The following ANK3 variants were observed in gnomAD, a reference collection of about 807,000 sequenced individuals.
ANK3 encodes the protein ankyrin 3.
In ANK3, 57 loss-of-function variants were observed where a neutral mutation model predicts 370.9. The observed-to-expected ratio is 0.15, with a 90% CI of 0.12 to 0.19. The LOEUF is 0.19. Ranked by LOEUF, ANK3 falls within the 10% of genes least tolerant of loss-of-function variation. ANK3 has a pLI of 1.00. For synonymous variants in ANK3, 1,929 were observed against 1,946.3 expected (o/e 0.99, Z 0.23); for missense variants, 4,439 against 5,302.1 (o/e 0.84, Z 5.06).
intron 2 of ANK3, among the ~76,000 whole-genome samples, chr10:60,472,436 T>C (rs934388665): frequency 1.7e-4 from 26 of 152,174 alleles, no homozygotes; most frequent in African/African-American, 6.3e-4. Context: ...ATTAGGAGAA[T>C]TCAGGGGCAT....
intron 18 of ANK3, among the ~76,000 whole-genome samples, chr10:60,176,187 A>C (rs1026943730): frequency 5.0e-5 from 6 of 120,328 alleles, no homozygotes; most frequent in Admixed American, 8.2e-5. Context: ...TACAAAAAAA[A>C]AAAAAAAACA....
intron 1 of ANK3, among the ~76,000 whole-genome samples, chr10:60,292,713 C>T (rs1370287056): frequency 1.4e-5 from 2 of 138,962 alleles, no homozygotes; most frequent in African/African-American, 2.7e-5. Context: ...GACTTTCTTT[C>T]TTTTTTTTTT....
chr10:60,128,736 A>T (rs1456834510), intron 25 of ANK3, among the ~76,000 whole-genome samples: 1 of 152,184 alleles, frequency 6.6e-6, no homozygotes, highest in East Asian at 1.9e-4. Flanking sequence ...TGTGAACTAT[A>T]AACAACTTAA....
Position 60,076,438 on chromosome 10 carries a change from A to G in ANK3, c.4443T>C (p.Ser1481=), listed in dbSNP as rs1047758099. Reference sequence around the variant, plus strand: ...TGGGGAGGGATCTTGTTGCTCCTGTACTCCGTTCAACTGTTTCTTAAATTT... The same window carrying G: ...TGGGGAGGGATCTTGTTGCTCCTGTGCTCCGTTCAACTGTTTCTTAAATTT... ...YLTEPGMIER[S]TGATRSLPTT... is the part of the protein sequence containing the mutation. Residue 1481 remains serine, a synonymous_variant, in exon 37 of 44, where the codon AGT becomes AGC. Coordinates refer to ENST00000280772, the MANE Select transcript of ANK3 (RefSeq NM_020987.5). 1.9e-6 allele frequency: 3 copies of G among 1,573,408 alleles called. No individual in the cohort carries two copies. The highest frequency in any genetic ancestry group is 2.7e-5 in the African/African-American group (2 of 73,044).
intron 42 of ANK3, among the ~76,000 whole-genome samples, chr10:60,045,405 G>C (rs16914599): frequency 0.018 from 2,680 of 152,236 alleles, 57 homozygotes; most frequent in African/African-American, 0.041. Flanking sequence ...GATTTAGATG[G>C]CTCCATAGTA....
chr10:60,310,937 G>A (rs9299440), intron 1 of ANK3, among the ~76,000 whole-genome samples: 86,808 of 152,004 alleles, frequency 0.57, 25,440 homozygotes, highest in South Asian at 0.77. Flanking sequence ...CATGTGTTTC[G>A]TTTTAAGGGA....
intron 23 of ANK3, among the ~76,000 whole-genome samples, chr10:60,157,487 A>G (rs1025366067): frequency 2.0e-5 from 3 of 152,000 alleles, no homozygotes; most frequent in Non-Finnish European, 4.4e-5. Flanking sequence ...GGTGTATGCC[A>G]CCATGGCCAG....
At chr10:60,322,753 T>C (rs1329653950) in intron 1 of ANK3, among the ~76,000 whole-genome samples, 1 of 152,186 alleles carries the variant, frequency 6.6e-6, no homozygotes, top group East Asian at 1.9e-4. Context: ...CAAACAATTT[T>C]GAAATGTCAA....
chr10:60,211,908 A>C (rs1490344124), intron 9 of ANK3, among the ~76,000 whole-genome samples: 1 of 151,228 alleles, frequency 6.6e-6, no homozygotes, highest in Non-Finnish European at 1.5e-5. Context: ...AAAAAAAAAA[A>C]AAAAAGGAAA....
intron 2 of ANK3, among the ~76,000 whole-genome samples, chr10:60,528,402 C>T (rs922510901): frequency 1.3e-5 from 2 of 151,998 alleles, no homozygotes; most frequent in African/African-American, 4.8e-5. Context: ...ACCCAAAATG[C>T]TGGGATTACA....
intron 4 of ANK3, among the ~76,000 whole-genome samples, chr10:60,276,664 G>A (rs1032815159): frequency 6.6e-6 from 1 of 152,190 alleles, no homozygotes; most frequent in Admixed American, 6.5e-5. Flanking sequence ...TATTTCAACT[G>A]CAGTTTCTCC....
chr10:60,236,876 C>T (rs974160797), intron 7 of ANK3, among the ~76,000 whole-genome samples: 2 of 152,252 alleles, frequency 1.3e-5, no homozygotes, highest in African/African-American at 4.8e-5. Flanking sequence ...CATACAGTCT[C>T]TTGCATCTAC....
chr10:60,080,404 T>C, intron 36 of ANK3, 133 bp downstream of exon 36: 2 of 740,796 alleles, frequency 2.7e-6, no homozygotes, highest in Non-Finnish European at 4.5e-6. Context: ...ACTTAGGTTG[T>C]ATGACAGGGT....
At chr10:60,584,426 C>A (rs567530132) in intron 2 of ANK3, among the ~76,000 whole-genome samples, 1 of 144,818 alleles carries the variant, frequency 6.9e-6, no homozygotes, top group Non-Finnish European at 1.5e-5. Context: ...CAAGGACAGC[C>A]GAGGCAACAA....
In ANK3 at chr10:60,240,215, CATAT is replaced by C. The variant is rs374957165; in HGVS notation, c.799-5433_799-5430del. On this transcript the variant is annotated intron_variant, in intron 7 of 43. Transcript: ENST00000280772. ...ATATACACACACACATATATATACA[CATAT>C]ATATATACACACATATATATACACA... Among the ~76,000 whole-genome samples, 99 of 136,260 alleles carry C rather than the reference CATAT, an allele frequency of 7.3e-4. 3 individuals are homozygous for C. The Middle Eastern group carries it at 0.025, about 34-fold the overall frequency. 89.4% of individuals were successfully genotyped at this position (136,260 alleles called of 152,430 possible).
intron 17 of ANK3, among the ~76,000 whole-genome samples, chr10:60,183,833 G>A (rs1026056749): frequency 6.6e-6 from 1 of 150,900 alleles, no homozygotes; most frequent in Admixed American, 6.6e-5. Context: ...ACTCCAGCCT[G>A]GGCAACAAGA....
chr10:60,062,163 G>A (rs2080671290), intron 40 of ANK3: 1 of 152,260 alleles, frequency 6.6e-6, no homozygotes, highest in African/African-American at 2.4e-5. Context: ...AGCTACTCAG[G>A]AGGCTGAGAC....
At chr10:60,338,817 G>C (rs928366826) in intron 1 of ANK3, among the ~76,000 whole-genome samples, 2 of 152,152 alleles carry the variant, frequency 1.3e-5, no homozygotes, top group Non-Finnish European at 2.9e-5. Context: ...CACATCTGTG[G>C]GAGTTTAATC....
intron 1 of ANK3, among the ~76,000 whole-genome samples, chr10:60,311,502 G>A (rs138492488): frequency 1.3e-4 from 20 of 150,296 alleles, no homozygotes; most frequent in Middle Eastern, 3.5e-3. Context: ...AAAAGAGAGA[G>A]AGAGGGAGAA....
Sources: gnomAD v4.1 joint callset for allele counts (sites outside exome capture counted in the v4.1 genomes callset) on GRCh38, gnomAD v4.1.1 for gene constraint, MANE v1.5 for transcripts, NCBI Gene and HGNC (gene_info 2026-07-23, HGNC 2026-07-21) for gene names.